The following FRS2 variants were observed in gnomAD, a reference collection of about 807,000 sequenced individuals.
FRS2 encodes the protein fibroblast growth factor receptor substrate 2.
In FRS2, 8 loss-of-function variants were observed where a neutral mutation model predicts 43.9. That is an observed-to-expected ratio of 0.18 (90% CI 0.11 to 0.33). The LOEUF is 0.33. Among genes scored for constraint, FRS2 ranks in the 10% least tolerant of loss-of-function variants. The probability of loss-of-function intolerance (pLI) is 1.00; values close to 1 mark genes in which losing one functional copy is unlikely to be tolerated. For synonymous variants in FRS2, 219 were observed against 220.3 expected (o/e 0.99, Z 0.05); for missense variants, 534 against 627.6 (o/e 0.85, Z 1.59).
At chr12:69,546,554 G>A (rs944947517) in intron 3 of FRS2, among the ~76,000 whole-genome samples, 3 of 151,922 alleles carry the variant, frequency 2.0e-5, no homozygotes, top group East Asian at 1.9e-4. Flanking sequence ...CACCATGCCC[G>A]GCTAATTTTT....
At chr12:69,515,769 CTTTTT>C (rs60246184) in intron 1 of FRS2, among the ~76,000 whole-genome samples, 4 of 138,432 alleles carry the variant, frequency 2.9e-5, no homozygotes, top group African/African-American at 1.1e-4. Flanking sequence ...TCATTGAGGT[CTTTTT>C]TTTTTTTTTT....
intron 1 of FRS2, among the ~76,000 whole-genome samples, chr12:69,472,725 A>G (rs145956084): frequency 3.3e-4 from 50 of 152,274 alleles, no homozygotes; most frequent in Middle Eastern, 3.4e-3. Context: ...TTAGGTAACT[A>G]TGTAAGGAGC....
chr12:69,550,306 C>T (rs1384172195), intron 3 of FRS2, among the ~76,000 whole-genome samples: 1 of 152,148 alleles, frequency 6.6e-6, no homozygotes, highest in African/African-American at 2.4e-5. Flanking sequence ...TTTTTTCCAT[C>T]TTCATTGTTT....
At chr12:69,501,208 G>C (rs1861230822) in intron 1 of FRS2, among the ~76,000 whole-genome samples, 1 of 151,558 alleles carries the variant, frequency 6.6e-6, no homozygotes, top group African/African-American at 2.4e-5. Flanking sequence ...TACATATGAT[G>C]ATTACAACCT....
chr12:69,508,309 A>G (rs920962550), intron 1 of FRS2, among the ~76,000 whole-genome samples: 65 of 152,298 alleles, frequency 4.3e-4, no homozygotes, highest in African/African-American at 1.4e-3. Flanking sequence ...CCAAATATCT[A>G]TTCTTAGGGA....
chr12:69,470,678 C>T (rs1870179820), intron 1 of FRS2, 148 bp downstream of exon 1: 3 of 333,892 alleles, frequency 9.0e-6, no homozygotes, highest in East Asian at 4.3e-5. Flanking sequence ...GCGGACTTCT[C>T]CGGGCCAGCG....
chr12:69,485,101 A>ACACACACACACGCG (rs1424416686), intron 1 of FRS2, among the ~76,000 whole-genome samples: 1 of 143,476 alleles, frequency 7.0e-6, no homozygotes, highest in Admixed American at 6.8e-5. Context: ...ACACACACAC[A>ACACACACACACGCG]CACACACACA....
chr12:69,517,018 A>C (rs1875121248), intron 1 of FRS2, among the ~76,000 whole-genome samples: 1 of 152,188 alleles, frequency 6.6e-6, no homozygotes. Flanking sequence ...GCTACAGTGA[A>C]AATTTCACAT....
chr12:69,567,268 A>T (rs1248744445), intron 4 of FRS2, among the ~76,000 whole-genome samples: 1 of 152,314 alleles, frequency 6.6e-6, no homozygotes, highest in South Asian at 2.1e-4. Flanking sequence ...CTGGCATATT[A>T]GTTAAAGCAA....
At chr12:69,525,731 A>G (rs1435416292) in intron 1 of FRS2, among the ~76,000 whole-genome samples, 1 of 152,008 alleles carries the variant, frequency 6.6e-6, no homozygotes, top group African/African-American at 2.4e-5. Flanking sequence ...TTAGCACCAT[A>G]AACTCAACCA....
In FRS2 at chr12:69,574,679, A is replaced by G; in HGVS notation, c.1251A>G (p.Pro417=). 6.2e-7 allele frequency: 1 copy of G among 1,614,096 alleles called. No homozygotes were observed. The highest frequency in any genetic ancestry group is 8.5e-7 in the Non-Finnish European group (1 of 1,179,952). The part of the protein sequence containing the change: ...IEYSRRRDCT[P]TVFNFDIRRP... ...ATTCAAGGCGTCGGGACTGTACACC[A>G]ACAGTCTTTAACTTTGATATCAGAC... The change falls in exon 9 of 9, where the codon CCA becomes CCG. Residue 417 remains proline (P), a synonymous_variant. Transcript: ENST00000549921.
intron 1 of FRS2, among the ~76,000 whole-genome samples, chr12:69,481,735 A>C (rs1361694011): frequency 6.6e-6 from 1 of 152,070 alleles, no homozygotes; most frequent in African/African-American, 2.4e-5. Flanking sequence ...TAGGTCATTT[A>C]TTTTACGGAA....
At chr12:69,538,632 G>A (rs983993451) in intron 3 of FRS2, among the ~76,000 whole-genome samples, 1 of 152,048 alleles carries the variant, frequency 6.6e-6, no homozygotes, top group Non-Finnish European at 1.5e-5. Flanking sequence ...CTAACTTCAT[G>A]TCCATTTGAA....
At chr12:69,477,632 A>G (rs1240400520) in intron 1 of FRS2, among the ~76,000 whole-genome samples, 2 of 151,386 alleles carry the variant, frequency 1.3e-5, no homozygotes, top group African/African-American at 4.9e-5. Context: ...TGCAGTGTTC[A>G]TCCTGCGGCT....
In FRS2 at chr12:69,573,902, ATACAG is replaced by A. The variant is rs1419142967; in HGVS notation, c.577-101_577-97del. The A allele has an allele frequency of 2.1e-5, 15 of 704,086 alleles. No homozygotes were observed. In the Admixed American group the frequency reaches 3.7e-4, roughly 18 times the overall value. The allele number at this position is 704,086 out of a possible 1,614,324, so 43.6% of individuals were successfully genotyped here. A position where few individuals can be genotyped will look rare whatever the true frequency, so the allele number is the denominator to read the frequency against. ...AAGAGTACATTTGGAGAGAAAGTTA[ATACAG>A]TTAACTGTTGTCAATAAAATTAACT... On this transcript the variant is annotated intron_variant, in intron 8 of 8. Transcript: ENST00000549921.
chr12:69,557,033 T>C (rs919664469), intron 3 of FRS2, among the ~76,000 whole-genome samples: 1 of 152,246 alleles, frequency 6.6e-6, no homozygotes, highest in Non-Finnish European at 1.5e-5. Context: ...TGGCATTTAT[T>C]TGGGAAATAA....
chr12:69,493,695 T>A (rs943583921), intron 1 of FRS2, among the ~76,000 whole-genome samples: 1 of 152,158 alleles, frequency 6.6e-6, no homozygotes, highest in Non-Finnish European at 1.5e-5. Flanking sequence ...CACTCCAGCC[T>A]GGGCAACAAG....
intron 1 of FRS2, among the ~76,000 whole-genome samples, chr12:69,497,722 CAAG>C (rs1873036625): frequency 6.6e-6 from 1 of 152,202 alleles, no homozygotes; most frequent in Non-Finnish European, 1.5e-5. Context: ...GAGAACATTT[CAAG>C]AGAGGGAAAA....
chr12:69,537,360 G>A (rs1254342551), intron 3 of FRS2, among the ~76,000 whole-genome samples: 13 of 151,514 alleles, frequency 8.6e-5, no homozygotes, highest in African/African-American at 3.2e-4. Context: ...CCTGAGGTAC[G>A]TTCTTTAGAA....
Sources: gnomAD v4.1 joint callset for allele counts (sites outside exome capture counted in the v4.1 genomes callset) on GRCh38, gnomAD v4.1.1 for gene constraint, MANE v1.5 for transcripts, NCBI Gene and HGNC (gene_info 2026-07-23, HGNC 2026-07-21) for gene names.